RUFY3: variants seen among roughly 807,000 people sequenced by gnomAD.
RUFY3 encodes the protein RUN and FYVE domain containing 3.
A neutral mutation model predicts 84.0 loss-of-function variants in RUFY3; 34 were observed. That is an observed-to-expected ratio of 0.40 (90% CI 0.31 to 0.54). RUFY3 has a LOEUF of 0.54. RUFY3 is among the 20% of genes least tolerant of loss of function. RUFY3 has a pLI of 0.39. For synonymous variants in RUFY3, 242 were observed against 252.9 expected (o/e 0.96, Z 0.41); for missense variants, 507 against 736.8 (o/e 0.69, Z 3.61).
chr4:70,783,200 T>A lies in RUFY3; in HGVS notation c.987+17T>A. 6.8e-7 allele frequency: 1 copy of A among 1,467,648 alleles called. No homozygotes were observed. The highest frequency in any genetic ancestry group is 9.5e-7 in the Non-Finnish European group (1 of 1,049,828). 90.9% of individuals were successfully genotyped at this position (1,467,648 alleles called of 1,614,324 possible). ...AATCGGAAGGTTAATCTTACTGGAT[T>A]TATAAAATATTCACTGAGAGCATAT... On this transcript the variant is annotated intron_variant, in intron 9 of 17. Coordinates refer to ENST00000381006, the MANE Select transcript of RUFY3 (RefSeq NM_001037442.4).
At position 70,740,764 on chromosome 4, in the gene RUFY3, ATAG is replaced by A. The variant is rs143111121; in HGVS notation, c.178+18017_178+18019del. On this transcript the variant is annotated intron_variant, in intron 1 of 17. Coordinates refer to ENST00000381006, the MANE Select transcript of RUFY3 (RefSeq NM_001037442.4). ...TTCAGCACTAATTTACTATAAAATA[ATAG>A]TAGCCAACTCACAGTATTTTTTTTT... 9.5e-3 allele frequency among the ~76,000 whole-genome samples: 1,444 copies of A among 152,318 alleles called. 31 individuals carry two copies. Among genetic ancestry groups the A allele is most frequent in the African/African-American group, 0.033 (1,367 of 41,572 alleles).
intron 1 of RUFY3, among the ~76,000 whole-genome samples, chr4:70,716,703 G>A (rs1741662381): frequency 6.6e-6 from 1 of 151,844 alleles, no homozygotes; most frequent in Non-Finnish European, 1.5e-5. Context: ...AATTAGCTGG[G>A]CATGGTGGCA....
chr4:70,803,357 G>T (rs909993091), intron 16 of RUFY3, among the ~76,000 whole-genome samples: 3 of 152,020 alleles, frequency 2.0e-5, no homozygotes, highest in Non-Finnish European at 1.5e-5. Flanking sequence ...AATAGTATAT[G>T]ATAAGCCCAT....
At chr4:70,708,617 C>T (rs1740616198) in intron 1 of RUFY3, among the ~76,000 whole-genome samples, 1 of 152,134 alleles carries the variant, frequency 6.6e-6, no homozygotes, top group Non-Finnish European at 1.5e-5. Context: ...AATATTATAG[C>T]TTTGAAAGAC....
Position 70,797,608 on chromosome 4 carries a change from GC to G in RUFY3, c.1558-2531del, listed in dbSNP as rs1252164232. On this transcript the variant is annotated intron_variant, in intron 14 of 17. Coordinates refer to ENST00000381006, the MANE Select transcript of RUFY3 (RefSeq NM_001037442.4). ...ACCTGTAATCCCAGCACTTTGGGAG[GC>G]CAAGGTGGGCAGATCATGAGGTCAA... 2.0e-5 allele frequency among the ~76,000 whole-genome samples: 3 copies of G among 152,102 alleles called. No homozygotes were observed. The East Asian group carries it at 5.8e-4, about 29-fold the overall frequency.
At chr4:70,739,895 G>A (rs1721033807) in intron 1 of RUFY3, among the ~76,000 whole-genome samples, 1 of 150,848 alleles carries the variant, frequency 6.6e-6, no homozygotes, top group Non-Finnish European at 1.5e-5. Context: ...GGAGGCTGAG[G>A]CAGGATAATT....
intron 6 of RUFY3, among the ~76,000 whole-genome samples, chr4:70,774,783 A>G (rs970737783): frequency 2.6e-5 from 4 of 151,032 alleles, no homozygotes; most frequent in African/African-American, 9.7e-5. Flanking sequence ...CATCAGAGTG[A>G]GCTTAATTCA....
chr4:70,787,411 C>T (rs1361167428), intron 10 of RUFY3, among the ~76,000 whole-genome samples: 7 of 151,218 alleles, frequency 4.6e-5, no homozygotes. Context: ...GCGCCTGCCA[C>T]CACACCCAGC....
In RUFY3 at chr4:70,767,007, T is replaced by C. The variant is rs545897271; in HGVS notation, c.573-1531T>C. ...CCAGAATGTCATGTAGTGGGAATCATAGAGTATATGGCCTTTTCAGACTGG... is the reference window on the plus strand; with the variant it reads ...CCAGAATGTCATGTAGTGGGAATCACAGAGTATATGGCCTTTTCAGACTGG... On this transcript the variant is annotated intron_variant, in intron 4 of 17. Coordinates refer to ENST00000381006, the MANE Select transcript of RUFY3 (RefSeq NM_001037442.4). Among the ~76,000 whole-genome samples, 4 of 152,338 alleles carry C rather than the reference T, an allele frequency of 2.6e-5. No individual in the cohort carries two copies. In the East Asian group the frequency reaches 7.7e-4, roughly 29 times the overall value.
At position 70,793,876 on chromosome 4, in the gene RUFY3, C is replaced by G; in HGVS notation, c.1429C>G (p.Leu477Val). ...TGGAGACAAGATCAACAGTCTGCAGCTGGAAGTCGAGGAGCTCACCAGGCA... is the reference window on the plus strand; with the variant it reads ...TGGAGACAAGATCAACAGTCTGCAGGTGGAAGTCGAGGAGCTCACCAGGCA... The part of the protein sequence containing the change: ...DFGDKINSLQ[L>V]EVEELTRQRN... Residue 477 changes from leucine (L) to valine (V), a missense_variant, in exon 13 of 18, where the codon CTG becomes GTG. Physicochemically the swap from Leu to Val is conservative, Grantham distance 32. Around this residue, in one of 4 missense-constraint regions of RUFY3, gnomAD observed 334 missense variants for 364.1 expected, o/e 0.92. Coordinates refer to ENST00000381006, the MANE Select transcript of RUFY3 (RefSeq NM_001037442.4). 2 of 1,614,012 alleles carry G rather than the reference C, an allele frequency of 1.2e-6. No homozygotes were observed. The highest frequency in any genetic ancestry group is 1.7e-6 in the Non-Finnish European group (2 of 1,180,002).
At chr4:70,802,935 T>A (rs1431232473) in intron 15 of RUFY3, 21 bp from the exon 16 acceptor site, 2 of 1,579,888 alleles carry the variant, frequency 1.3e-6, no homozygotes, top group Non-Finnish European at 1.7e-6. Flanking sequence ...TTTGTCACAA[T>A]TTTTTACTTC....
chr4:70,763,815 G>A, intron 3 of RUFY3, 146 bp downstream of exon 3: 2 of 952,980 alleles, frequency 2.1e-6, no homozygotes, highest in Non-Finnish European at 3.1e-6. Context: ...GCTGACAGGA[G>A]AGAATTGGTA....
chr4:70,756,632 T>A (rs574876693), intron 1 of RUFY3, among the ~76,000 whole-genome samples: 18 of 152,314 alleles, frequency 1.2e-4, no homozygotes, highest in African/African-American at 4.1e-4. Context: ...GACTCCTTTC[T>A]TTTTATCCTT....
intron 1 of RUFY3, among the ~76,000 whole-genome samples, chr4:70,758,540 C>A (rs1355761035): frequency 6.6e-6 from 1 of 151,998 alleles, no homozygotes; most frequent in Non-Finnish European, 1.5e-5. Flanking sequence ...CTTTTGTGTT[C>A]ATTTACAATG....
intron 14 of RUFY3, among the ~76,000 whole-genome samples, chr4:70,798,239 C>T (rs973732410): frequency 3.3e-5 from 5 of 151,118 alleles, no homozygotes; most frequent in African/African-American, 1.2e-4. Flanking sequence ...TGTGGTGGCT[C>T]GTGCCTATAG....
intron 1 of RUFY3, among the ~76,000 whole-genome samples, chr4:70,725,822 C>T (rs28565369): frequency 0.099 from 15,033 of 152,140 alleles, 1,599 homozygotes; most frequent in African/African-American, 0.27. Context: ...AAACAGTACA[C>T]AGTGAGCTGG....
chr4:70,724,239 TAC>T (rs1717858242), intron 1 of RUFY3, among the ~76,000 whole-genome samples: 1 of 152,166 alleles, frequency 6.6e-6, no homozygotes, highest in Non-Finnish European at 1.5e-5. Context: ...GGAAGAAAAA[TAC>T]AGTTTTAGAA....
chr4:70,737,565 C>T (rs932815565), intron 1 of RUFY3, among the ~76,000 whole-genome samples: 1 of 152,164 alleles, frequency 6.6e-6, no homozygotes, highest in Non-Finnish European at 1.5e-5. Context: ...GCTTTCTTTC[C>T]TCATCCGCTC....
At chr4:70,720,633 A>G (rs904782030), upstream of RUFY3, among the ~76,000 whole-genome samples, 5 of 152,238 alleles carry the variant, frequency 3.3e-5, no homozygotes, top group Admixed American at 3.3e-4. Flanking sequence ...GTTTTCAGAA[A>G]TTAGGTAAAT....
Sources: gnomAD v4.1 joint callset for allele counts (sites outside exome capture counted in the v4.1 genomes callset) on GRCh38, gnomAD v4.1.1 for gene constraint, gnomAD v4.1.1 regional missense constraint, MANE v1.5 for transcripts, NCBI Gene and HGNC (gene_info 2026-07-23, HGNC 2026-07-21) for gene names.